Variants in VWC2 observed in about 807,000 individuals in gnomAD.
VWC2 encodes von Willebrand factor C domain containing 2, also known as brorin.
A neutral mutation model predicts 29.8 loss-of-function variants in VWC2; 14 were observed. The ratio of observed to expected loss-of-function variants is 0.47; its 90% CI spans 0.31 to 0.74. VWC2 has a LOEUF of 0.74. VWC2 is among the 30% of genes least tolerant of loss of function. VWC2 has a pLI of 0.05. For missense variants in VWC2, 457 were observed against 459.8 expected (o/e 0.99, Z 0.05); for synonymous variants, 213 against 199.0 (o/e 1.07, Z -0.59).
At chr7:49,819,821 C>T (rs1464704901) in intron 3 of VWC2, among the ~76,000 whole-genome samples, 1 of 152,120 alleles carries the variant, frequency 6.6e-6, no homozygotes, top group Non-Finnish European at 1.5e-5. Context: ...CCTCTGGTAC[C>T]ATCTCAGGTC....
chr7:49,840,193 C>T (rs1052568476), intron 3 of VWC2, among the ~76,000 whole-genome samples: 4 of 152,252 alleles, frequency 2.6e-5, no homozygotes, highest in African/African-American at 9.6e-5. Flanking sequence ...AAGCTATTTT[C>T]GAGAGAGTTG....
chr7:49,815,897 G>C (rs566125133), intron 3 of VWC2, among the ~76,000 whole-genome samples: 1 of 152,250 alleles, frequency 6.6e-6, no homozygotes, highest in African/African-American at 2.4e-5. Context: ...AAGAAAAAAT[G>C]GCTAATAGGA....
chr7:49,890,849 C>T (rs1294795783), intron 3 of VWC2, among the ~76,000 whole-genome samples: 2 of 151,864 alleles, frequency 1.3e-5, no homozygotes, highest in South Asian at 2.1e-4. Context: ...CTTTAAGATT[C>T]TTTTAAGATT....
intron 3 of VWC2, among the ~76,000 whole-genome samples, chr7:49,892,275 T>C (rs924946857): frequency 2.9e-4 from 44 of 152,018 alleles, no homozygotes; most frequent in African/African-American, 1.0e-3. Flanking sequence ...CTCGATCTCC[T>C]GACCTCGTGA....
At chr7:49,792,015 G>A (rs1484749321) in intron 2 of VWC2, among the ~76,000 whole-genome samples, 2 of 152,138 alleles carry the variant, frequency 1.3e-5, no homozygotes, top group East Asian at 3.9e-4. Flanking sequence ...AGGGCCAAAG[G>A]GAAACACTGG....
chr7:49,830,812 T>G (rs1006976093), intron 3 of VWC2, among the ~76,000 whole-genome samples: 11 of 152,262 alleles, frequency 7.2e-5, no homozygotes, highest in African/African-American at 2.4e-4. Context: ...AATGATGATT[T>G]CCAGCTTCAT....
At chr7:49,869,468 A>T (rs1791042564) in intron 3 of VWC2, among the ~76,000 whole-genome samples, 1 of 152,202 alleles carries the variant, frequency 6.6e-6, no homozygotes, top group African/African-American at 2.4e-5. Context: ...TATAGGGAAA[A>T]AATTATCTTG....
At chr7:49,881,795 TATA>T (rs1035920487) in intron 3 of VWC2, among the ~76,000 whole-genome samples, 6 of 152,128 alleles carry the variant, frequency 3.9e-5, no homozygotes, top group African/African-American at 9.6e-5. Flanking sequence ...TCACTTTGTA[TATA>T]ATAATAATTA....
chr7:49,807,267 G>T (rs569912454), intron 3 of VWC2, among the ~76,000 whole-genome samples: 1 of 152,098 alleles, frequency 6.6e-6, no homozygotes, highest in African/African-American at 2.4e-5. Flanking sequence ...AAAATCCAAT[G>T]GTTTTCTGTA....
chr7:49,779,028 T>C (rs1041471365), intron 2 of VWC2, among the ~76,000 whole-genome samples: 1 of 145,910 alleles, frequency 6.9e-6, no homozygotes, highest in African/African-American at 2.6e-5. Context: ...TGTTCTCTGC[T>C]TCCAGAGAGG....
intron 3 of VWC2, among the ~76,000 whole-genome samples, chr7:49,898,074 A>G (rs117366176): frequency 6.6e-6 from 1 of 152,238 alleles, no homozygotes; most frequent in East Asian, 1.9e-4. Context: ...TTAGCCCACT[A>G]TAGCCTTCCT....
chr7:49,832,808 G>A (rs879514593), intron 3 of VWC2, among the ~76,000 whole-genome samples: 4 of 152,108 alleles, frequency 2.6e-5, no homozygotes, highest in Non-Finnish European at 5.9e-5. Flanking sequence ...TTAACTTCTT[G>A]GCAATGTGCT....
At chr7:49,897,378 C>T (rs1403466743) in intron 3 of VWC2, among the ~76,000 whole-genome samples, 2 of 151,994 alleles carry the variant, frequency 1.3e-5, no homozygotes, top group African/African-American at 4.8e-5. Context: ...TGAATACTGC[C>T]ACAAAATTTC....
intron 3 of VWC2, among the ~76,000 whole-genome samples, chr7:49,863,662 G>A (rs1277373093): frequency 1.3e-5 from 2 of 152,036 alleles, no homozygotes; most frequent in Non-Finnish European, 1.5e-5. Context: ...TAACTCCTGA[G>A]TCAAGCCATC....
intron 3 of VWC2, among the ~76,000 whole-genome samples, chr7:49,849,470 G>A (rs1289324856): frequency 6.6e-6 from 1 of 152,176 alleles, no homozygotes; most frequent in Non-Finnish European, 1.5e-5. Flanking sequence ...GCGGGTCTCT[G>A]GATGGGGTTT....
intron 3 of VWC2, among the ~76,000 whole-genome samples, chr7:49,869,842 G>A (rs565106710): frequency 6.6e-6 from 1 of 151,898 alleles, no homozygotes; most frequent in Non-Finnish European, 1.5e-5. Context: ...ATCCAAAACG[G>A]GAAGCTTACT....
chr7:49,776,449 T>A (rs554855028), intron 2 of VWC2, among the ~76,000 whole-genome samples: 1 of 152,258 alleles, frequency 6.6e-6, no homozygotes, highest in South Asian at 2.1e-4. Flanking sequence ...TGCTCCTAAT[T>A]TGGGAATGTT....
intron 3 of VWC2, among the ~76,000 whole-genome samples, chr7:49,898,559 C>T (rs1453071517): frequency 6.6e-5 from 10 of 151,872 alleles, no homozygotes; most frequent in Non-Finnish European, 1.5e-4. Context: ...TTTTTTCTTA[C>T]AACACATTAC....
rs1051225607 is a variant in VWC2, at chr7:49,888,811, C to T, written c.827-23223C>T. 3.3e-5 allele frequency among the ~76,000 whole-genome samples: 5 copies of T among 151,686 alleles called. No homozygotes were observed. In the South Asian group the frequency reaches 6.3e-4, roughly 19 times the overall value. On this transcript the variant is annotated intron_variant, in intron 3 of 3. Coordinates refer to ENST00000340652, the MANE Select transcript of VWC2 (RefSeq NM_198570.5). ...CTGTAATCTCAGCTACTTTGGGGGC[C>T]GAGGCAGGAGAATCGCTTGAACTCG...
Sources: allele counts gnomAD v4.1 joint callset (sites outside exome capture counted in the v4.1 genomes callset), GRCh38; gene constraint gnomAD v4.1.1; transcripts MANE v1.5; gene names NCBI Gene and HGNC (gene_info 2026-07-23, HGNC 2026-07-21).